AFF3: variants seen among roughly 807,000 people sequenced by gnomAD.
The protein encoded by AFF3 is AF4/FMR2 family member 3.
In AFF3, 32 loss-of-function variants were observed where a neutral mutation model predicts 129.7. The observed-to-expected ratio is 0.25, with a 90% confidence interval of 0.19 to 0.33. The LOEUF (loss-of-function observed/expected upper bound fraction) is 0.33, where lower values mean the gene tolerates loss of function less well. Ranked by LOEUF, AFF3 falls within the 10% of genes least tolerant of loss-of-function variation. AFF3 has a pLI of 1.00. For synonymous variants in AFF3, 644 were observed against 635.4 expected (o/e 1.01, Z -0.20); for missense variants, 1,373 against 1,592.0 (o/e 0.86, Z 2.34).
At chr2:100,008,977 AACTG>A in intron 4 of AFF3, 45 bp from the exon 5 acceptor site, 1 of 1,605,232 alleles carries the variant, frequency 6.2e-7, no homozygotes, top group South Asian at 1.1e-5. Context: ...ACACAAATTA[AACTG>A]TAAAGCCCAA....
chr2:99,584,720 T>A (rs1451578762), intron 16 of AFF3, among the ~76,000 whole-genome samples: 1 of 152,172 alleles, frequency 6.6e-6, no homozygotes, highest in East Asian at 1.9e-4. Context: ...AACTCAGTCA[T>A]CACTAATTTA....
At chr2:99,990,078 C>T (rs1270939680) in intron 7 of AFF3, among the ~76,000 whole-genome samples, 1 of 152,116 alleles carries the variant, frequency 6.6e-6, no homozygotes, top group Non-Finnish European at 1.5e-5. Context: ...CTCACGCAGC[C>T]ACTCAACAGA....
chr2:99,951,143 A>G (rs959512878), intron 7 of AFF3, among the ~76,000 whole-genome samples: 19 of 152,358 alleles, frequency 1.2e-4, no homozygotes, highest in African/African-American at 3.4e-4. Context: ...GCAAAGAATG[A>G]ATCAAGTCAT....
At chr2:100,055,489 G>T (rs1413271575) in intron 4 of AFF3, among the ~76,000 whole-genome samples, 2 of 149,842 alleles carry the variant, frequency 1.3e-5, no homozygotes, top group Non-Finnish European at 3.0e-5. Flanking sequence ...GAAAAGAAAA[G>T]AAAAGAAAGA....
At chr2:99,623,113 C>T (rs1682195765) in intron 13 of AFF3, among the ~76,000 whole-genome samples, 2 of 150,920 alleles carry the variant, frequency 1.3e-5, no homozygotes, top group Non-Finnish European at 1.5e-5. Context: ...GAGCAAAATG[C>T]ATTTGGGACC....
At chr2:99,620,933 C>T (rs1411882169) in intron 13 of AFF3, among the ~76,000 whole-genome samples, 7 of 152,282 alleles carry the variant, frequency 4.6e-5, no homozygotes, top group South Asian at 2.1e-4. Flanking sequence ...CTTTCTGAGG[C>T]CTCACCAGAC....
intron 8 of AFF3, among the ~76,000 whole-genome samples, chr2:99,820,870 CTTT>C (rs869085194): frequency 2.0e-5 from 2 of 101,706 alleles, no homozygotes; most frequent in African/African-American, 3.6e-5. Flanking sequence ...TCCTCCACAT[CTTT>C]TTTTTTTTTT....
intron 18 of AFF3, among the ~76,000 whole-genome samples, chr2:99,570,081 C>G (rs1409269347): frequency 6.6e-6 from 1 of 152,218 alleles, no homozygotes; most frequent in Non-Finnish European, 1.5e-5. Context: ...CCATGCCCCC[C>G]TCTGAGGGCT....
chr2:99,633,519 A>G (rs1280005467), intron 13 of AFF3, among the ~76,000 whole-genome samples: 2 of 152,166 alleles, frequency 1.3e-5, no homozygotes, highest in Non-Finnish European at 2.9e-5. Context: ...TATAGTTTGA[A>G]TATGGTTTTT....
Position 99,707,612 on chromosome 2 carries a change from C to A in AFF3, c.1091+19465G>T. ...TAATAAACAAGTTGTGGTATTTTAACAAAGTTCCAAAGCTAAGAATCTTCA... is the reference window on the plus strand; with the variant it reads ...TAATAAACAAGTTGTGGTATTTTAAAAAAGTTCCAAAGCTAAGAATCTTCA... On this transcript the variant is annotated intron_variant, in intron 11 of 24. Transcript: ENST00000672756. 2.0e-6 allele frequency: 2 copies of A among 984,220 alleles called. 1 individual carries two copies. 61.0% of individuals were successfully genotyped at this position (984,220 alleles called of 1,614,324 possible).
At chr2:99,648,917 A>ACACACACTCTCTCT in intron 13 of AFF3, among the ~76,000 whole-genome samples, 271 of 46,878 alleles carry the variant, frequency 5.8e-3, no homozygotes, top group Admixed American at 0.011. Context: ...ACACACACAC[A>ACACACACTCTCTCT]CTCTCTCTCT....
At chr2:100,052,281 T>C (rs147153290) in intron 4 of AFF3, among the ~76,000 whole-genome samples, 1 of 152,324 alleles carries the variant, frequency 6.6e-6, no homozygotes, top group African/African-American at 2.4e-5. Context: ...ACGATTAAGA[T>C]TTCTATTTGT....
chr2:99,947,979 T>C (rs933986712), intron 7 of AFF3, among the ~76,000 whole-genome samples: 9 of 152,176 alleles, frequency 5.9e-5, no homozygotes, highest in Non-Finnish European at 8.8e-5. Flanking sequence ...ATCAGGCATC[T>C]AGATTTGGCA....
At chr2:99,844,019 G>T (rs1028750204) in intron 7 of AFF3, among the ~76,000 whole-genome samples, 1 of 151,806 alleles carries the variant, frequency 6.6e-6, no homozygotes, top group Non-Finnish European at 1.5e-5. Flanking sequence ...GACACAGTGA[G>T]ACTCCATCTC....
intron 8 of AFF3, among the ~76,000 whole-genome samples, chr2:99,784,181 A>C (rs1260534796): frequency 6.6e-6 from 1 of 152,200 alleles, no homozygotes; most frequent in Non-Finnish European, 1.5e-5. Flanking sequence ...AGCATCTGTC[A>C]ATCAGAACCA....
intron 4 of AFF3, among the ~76,000 whole-genome samples, chr2:100,021,379 G>A (rs74177693): frequency 0.14 from 20,898 of 152,134 alleles, 1,684 homozygotes; most frequent in South Asian, 0.2. Flanking sequence ...GAATAAAACA[G>A]TATAAGATAC....
At chr2:100,079,353 C>T (rs1249610053) in intron 4 of AFF3, among the ~76,000 whole-genome samples, 1 of 152,198 alleles carries the variant, frequency 6.6e-6, no homozygotes, top group African/African-American at 2.4e-5. Flanking sequence ...TTTACTTACA[C>T]AGTAGTATCC....
intron 18 of AFF3, among the ~76,000 whole-genome samples, chr2:99,570,048 C>G (rs1463161060): frequency 6.6e-6 from 1 of 152,158 alleles, no homozygotes; most frequent in East Asian, 1.9e-4. Flanking sequence ...GTTTTGGGGT[C>G]AAAATGTTTC....
At chr2:100,016,965 T>C (rs1475604106) in intron 4 of AFF3, among the ~76,000 whole-genome samples, 2 of 151,480 alleles carry the variant, frequency 1.3e-5, no homozygotes, top group African/African-American at 4.9e-5. Context: ...GTGGTGATGA[T>C]GGTGGTAGTG....
Sources: allele counts gnomAD v4.1 joint callset (sites outside exome capture counted in the v4.1 genomes callset), GRCh38; gene constraint gnomAD v4.1.1; transcripts MANE v1.5; gene names NCBI Gene and HGNC (gene_info 2026-07-23, HGNC 2026-07-21).